OPN3: variants seen among roughly 807,000 people sequenced by gnomAD.
OPN3 encodes opsin 3, also known as opsin-3.
A neutral mutation model predicts 33.8 loss-of-function variants in OPN3; 29 were observed. The ratio of observed to expected loss-of-function variants is 0.86; its 90% CI spans 0.64 to 1.17. The LOEUF (loss-of-function observed/expected upper bound fraction) is 1.17, where lower values mean the gene tolerates loss of function less well. Ranked by LOEUF, OPN3 falls within the 50% of genes most tolerant of loss-of-function variation. The probability of loss-of-function intolerance (pLI) is 0.00; values close to 1 mark genes in which losing one functional copy is unlikely to be tolerated. For missense variants in OPN3, 437 were observed against 514.1 expected, an observed-to-expected ratio of 0.85 and a Z score of 1.45; for synonymous variants, 216 against 216.1, an observed-to-expected ratio of 1.00 and a Z score of 0.00.
At chr1:241,620,349 GC>G (rs1178734515) in intron 1 of OPN3, among the ~76,000 whole-genome samples, 1 of 152,146 alleles carries the variant, frequency 6.6e-6, no homozygotes, top group Non-Finnish European at 1.5e-5. Context: ...GATGTTTGTG[GC>G]CCCCCAAATG....
At chr1:241,611,834 G>A (rs1448530576) in intron 1 of OPN3, among the ~76,000 whole-genome samples, 1 of 152,190 alleles carries the variant, frequency 6.6e-6, no homozygotes, top group Non-Finnish European at 1.5e-5. Context: ...TTCCTTATGG[G>A]AAGTTCCCTT....
intron 2 of OPN3, among the ~76,000 whole-genome samples, chr1:241,601,936 A>C (rs183820494): frequency 6.6e-6 from 1 of 152,326 alleles, no homozygotes; most frequent in Admixed American, 6.5e-5. Context: ...ATGACAAATT[A>C]ATCTTTATAT....
chr1:241,628,234 G>C (rs983253576), intron 1 of OPN3, among the ~76,000 whole-genome samples: 1 of 152,004 alleles, frequency 6.6e-6, no homozygotes, highest in Non-Finnish European at 1.5e-5. Context: ...AGTGAGACGG[G>C]TAAAAAATGT....
chr1:241,598,423 T>C (rs1398977189), intron 2 of OPN3, among the ~76,000 whole-genome samples: 1 of 152,178 alleles, frequency 6.6e-6, no homozygotes, highest in Non-Finnish European at 1.5e-5. Flanking sequence ...CACACCCATG[T>C]CATGTCAGGT....
intron 1 of OPN3, chr1:241,632,615 TC>T (rs1664688537): frequency 6.6e-6 from 1 of 152,092 alleles, no homozygotes; most frequent in Non-Finnish European, 1.5e-5. Context: ...AAAAAAAGTT[TC>T]TATACTCTGG....
intron 1 of OPN3, among the ~76,000 whole-genome samples, chr1:241,607,543 AGAAG>A (rs56339199): frequency 0.41 from 59,929 of 146,892 alleles, 12,551 homozygotes; most frequent in East Asian, 0.53. Flanking sequence ...ACAGAGAGCA[AGAAG>A]GAAGGAAGGA....
intron 3 of OPN3, 114 bp from the exon 4 acceptor site, chr1:241,594,805 G>C: frequency 8.3e-7 from 1 of 1,210,786 alleles, no homozygotes; most frequent in Non-Finnish European, 1.2e-6. Flanking sequence ...TTGTTAGCAG[G>C]TGTGGATGTG....
In OPN3 at chr1:241,593,516, T is replaced by C. The variant is rs1428577526; in HGVS notation, c.*912A>G. The C allele has an allele frequency of 3.5e-6, 1 of 287,588 alleles. No individual in the cohort carries two copies. The highest frequency in any genetic ancestry group is 8.0e-6 in the Non-Finnish European group (1 of 125,746). The allele number at this position is 287,588 out of a possible 1,614,324, so 17.8% of individuals were successfully genotyped here. On this transcript the variant is annotated 3_prime_UTR_variant, in exon 4 of 4. Coordinates refer to ENST00000366554, the MANE Select transcript of OPN3 (RefSeq NM_014322.3). ...GAAAACCTTGAGTTCTAATAATCCA[T>C]GTTCAGTTTGTAGGGAAAGAAAAAA...
chr1:241,627,777 A>G (rs1664462618), intron 1 of OPN3, among the ~76,000 whole-genome samples: 1 of 152,196 alleles, frequency 6.6e-6, no homozygotes, highest in African/African-American at 2.4e-5. Context: ...ATACTAAAAT[A>G]AAAATCTGAA....
intron 1 of OPN3, among the ~76,000 whole-genome samples, chr1:241,607,420 A>G (rs980345854): frequency 5.9e-5 from 9 of 152,098 alleles, no homozygotes; most frequent in African/African-American, 2.2e-4. Flanking sequence ...AGGCTGAGAC[A>G]GGAGAACTGC....
intron 3 of OPN3, among the ~76,000 whole-genome samples, chr1:241,596,126 C>T (rs938163784): frequency 1.1e-4 from 16 of 152,188 alleles, no homozygotes; most frequent in Non-Finnish European, 2.4e-4. Context: ...GGTGTATGCA[C>T]ATTAAAGTTC....
intron 1 of OPN3, chr1:241,629,470 C>G (rs1411210132): frequency 1.3e-5 from 2 of 152,034 alleles, no homozygotes. Context: ...TATACACGAT[C>G]GCTTTATAAA....
At chr1:241,617,683 C>T (rs575019493) in intron 1 of OPN3, among the ~76,000 whole-genome samples, 6 of 152,290 alleles carry the variant, frequency 3.9e-5, no homozygotes, top group East Asian at 3.9e-4. Flanking sequence ...GAATATCACA[C>T]GCTCCACTGT....
chr1:241,598,665 G>T (rs1339301097), intron 2 of OPN3, among the ~76,000 whole-genome samples: 1 of 152,188 alleles, frequency 6.6e-6, no homozygotes, highest in Non-Finnish European at 1.5e-5. Context: ...CCATTAAAGG[G>T]ATGGAGGAGT....
chr1:241,628,151 C>T (rs1216940399), intron 1 of OPN3, among the ~76,000 whole-genome samples: 1 of 152,090 alleles, frequency 6.6e-6, no homozygotes, highest in Non-Finnish European at 1.5e-5. Context: ...AAAAGGGATG[C>T]CGTGCACAAG....
chr1:241,619,438 C>T (rs1286002294), intron 1 of OPN3, among the ~76,000 whole-genome samples: 1 of 152,204 alleles, frequency 6.6e-6, no homozygotes, highest in East Asian at 1.9e-4. Flanking sequence ...GTACTTTACT[C>T]ATTTCTAGCT....
At chr1:241,598,127 G>A in intron 2 of OPN3, 130 bp from the exon 3 acceptor site, 2 of 1,043,182 alleles carry the variant, frequency 1.9e-6, no homozygotes, top group Non-Finnish European at 2.7e-6. Context: ...ATGGCACCTT[G>A]GCAGGCTGAC....
At position 241,594,406 on chromosome 1, in the gene OPN3, C is replaced by A; in HGVS notation, c.*22G>T. The A allele has an allele frequency of 6.2e-7, 1 of 1,603,504 alleles. No homozygotes were observed. The highest frequency in any genetic ancestry group is 1.7e-5 in the Admixed American group (1 of 59,418). On this transcript the variant is annotated 3_prime_UTR_variant, in exon 4 of 4. Coordinates refer to ENST00000366554, the MANE Select transcript of OPN3 (RefSeq NM_014322.3). ...AGTGGCATCCAATTTAAGGCCCCAT[C>A]TTTCGTTGCCATTCTTCATTCCTAC...
At chr1:241,598,326 G>A (rs1376082422) in intron 2 of OPN3, among the ~76,000 whole-genome samples, 1 of 152,096 alleles carries the variant, frequency 6.6e-6, no homozygotes, top group African/African-American at 2.4e-5. Flanking sequence ...AAGACAGCCT[G>A]AGAGAGTCAC....
Sources: gnomAD v4.1 joint callset for allele counts (sites outside exome capture counted in the v4.1 genomes callset) on GRCh38, gnomAD v4.1.1 for gene constraint, MANE v1.5 for transcripts, NCBI Gene and HGNC (gene_info 2026-07-23, HGNC 2026-07-21) for gene names.